KIAA0825: variants seen among roughly 807,000 people sequenced by gnomAD.
The protein encoded by KIAA0825 is uncharacterized protein KIAA0825.
A neutral mutation model predicts 147.6 loss-of-function variants in KIAA0825; 119 were observed. That is an observed-to-expected ratio of 0.81 (90% CI 0.69 to 0.94). The LOEUF (loss-of-function observed/expected upper bound fraction) is 0.94. Among genes scored for constraint, KIAA0825 ranks in the 40% least tolerant of loss-of-function variants. The pLI is 0.00. For synonymous variants in KIAA0825, 470 were observed against 518.1 expected (o/e 0.91, Z 1.26); for missense variants, 1,381 against 1,472.7 (o/e 0.94, Z 1.02).
At chr5:94,461,726 CAT>C (rs1439503497) in intron 12 of KIAA0825, among the ~76,000 whole-genome samples, 3 of 151,886 alleles carry the variant, frequency 2.0e-5, no homozygotes, top group South Asian at 4.1e-4. Context: ...TAGAAATAGA[CAT>C]ATGTGAAATT....
intron 1 of KIAA0825, among the ~76,000 whole-genome samples, chr5:94,599,331 G>GGT (rs1785895368): frequency 1.0e-5 from 1 of 98,512 alleles, no homozygotes; most frequent in South Asian, 3.4e-4. Context: ...GATTATTTGG[G>GGT]TTTTTTTTTT....
chr5:94,343,492 C>G (rs1297867237), intron 20 of KIAA0825, among the ~76,000 whole-genome samples: 5 of 152,068 alleles, frequency 3.3e-5, no homozygotes, highest in Non-Finnish European at 7.4e-5. Flanking sequence ...AGGTAGAGAC[C>G]ATCTGGCTAA....
chr5:94,154,973 A>G (rs1332295028), intron 20 of KIAA0825, among the ~76,000 whole-genome samples: 2 of 152,104 alleles, frequency 1.3e-5, no homozygotes, highest in African/African-American at 4.8e-5. Flanking sequence ...GTACTGTTAC[A>G]AAAGGATTTT....
At chr5:94,467,997 G>A (rs1760757100) in intron 10 of KIAA0825, among the ~76,000 whole-genome samples, 1 of 152,130 alleles carries the variant, frequency 6.6e-6, no homozygotes, top group African/African-American at 2.4e-5. Flanking sequence ...TTATTTTTCT[G>A]AGAATAAATA....
At chr5:94,336,908 A>C (rs903235065) in intron 20 of KIAA0825, among the ~76,000 whole-genome samples, 1 of 152,174 alleles carries the variant, frequency 6.6e-6, no homozygotes, top group Non-Finnish European at 1.5e-5. Flanking sequence ...TCAAGCAAAA[A>C]TGGAACATTC....
chr5:94,525,923 T>A (rs2151252446), intron 3 of KIAA0825, among the ~76,000 whole-genome samples: 3 of 152,152 alleles, frequency 2.0e-5, no homozygotes, highest in Middle Eastern at 6.8e-3. Context: ...CCCTCATTGA[T>A]ACAAACTAAG....
Position 94,521,771 on chromosome 5 carries a change from C to G in KIAA0825, c.301-854G>C, listed in dbSNP as rs1768257227. ...ACATTCTGCTTCCATGCTGACTTTC[C>G]TAATTATGTCTATTTTAGCTAATAC... On this transcript the variant is annotated intron_variant, in intron 4 of 20. Transcript: ENST00000682413. 2.6e-5 allele frequency among the ~76,000 whole-genome samples: 4 copies of G among 151,666 alleles called. No individual in the cohort carries two copies. The South Asian group carries it at 8.3e-4, about 31-fold the overall frequency.
Position 94,412,206 on chromosome 5 carries a change from A to G in KIAA0825, c.2662+4995T>C, listed in dbSNP as rs188185025. Among the ~76,000 whole-genome samples the G allele has an allele frequency of 8.9e-4, 135 of 152,300 alleles. 2 individuals are homozygous for G. Among genetic ancestry groups the G allele is most frequent in the Admixed American group, 8.0e-3 (122 of 15,300 alleles). ...TCAAATGGTCACTAAGAACATGAAGAGGTGTTCAATGTCATTATTCATGAA... is the reference window on the plus strand; with the variant it reads ...TCAAATGGTCACTAAGAACATGAAGGGGTGTTCAATGTCATTATTCATGAA... On this transcript the variant is annotated intron_variant, in intron 15 of 20. Transcript: ENST00000682413.
intron 20 of KIAA0825, among the ~76,000 whole-genome samples, chr5:94,240,544 G>A (rs967153178): frequency 6.6e-6 from 1 of 152,164 alleles, no homozygotes; most frequent in Non-Finnish European, 1.5e-5. Context: ...ATACTGAAAA[G>A]TGCTGAATTA....
intron 20 of KIAA0825, among the ~76,000 whole-genome samples, chr5:94,330,555 C>A (rs1018647564): frequency 2.6e-5 from 4 of 151,692 alleles, no homozygotes; most frequent in Admixed American, 2.6e-4. Context: ...TTGTGAGATG[C>A]CATTAAAGCA....
intron 20 of KIAA0825, among the ~76,000 whole-genome samples, chr5:94,215,165 G>GA (rs1425746717): frequency 1.3e-5 from 2 of 152,262 alleles, no homozygotes; most frequent in African/African-American, 4.8e-5. Context: ...CAAGGAAAAG[G>GA]AAAAGAAGGC....
chr5:94,419,806 G>C (rs2150727242), intron 14 of KIAA0825, among the ~76,000 whole-genome samples: 1 of 152,294 alleles, frequency 6.6e-6, no homozygotes, highest in East Asian at 1.9e-4. Context: ...CCATGCATCT[G>C]AGTTTGCCTG....
intron 5 of KIAA0825, among the ~76,000 whole-genome samples, chr5:94,499,116 C>T (rs1271460217): frequency 6.6e-6 from 1 of 152,100 alleles, no homozygotes; most frequent in Admixed American, 6.5e-5. Flanking sequence ...AAAGCAGTTT[C>T]CTCAAAAGAA....
chr5:94,390,793 A>T (rs1217944777), intron 18 of KIAA0825, among the ~76,000 whole-genome samples: 1 of 152,214 alleles, frequency 6.6e-6, no homozygotes, highest in African/African-American at 2.4e-5. Context: ...AAACTAAAAC[A>T]CTATATATTC....
At chr5:94,236,152 T>C (rs1043835783) in intron 20 of KIAA0825, among the ~76,000 whole-genome samples, 11 of 152,260 alleles carry the variant, frequency 7.2e-5, no homozygotes, top group African/African-American at 2.7e-4. Flanking sequence ...ATTCCTCTGA[T>C]GGACCTGGGA....
chr5:94,374,170 A>G (rs1379648038), intron 20 of KIAA0825, among the ~76,000 whole-genome samples: 1 of 152,214 alleles, frequency 6.6e-6, no homozygotes, highest in Admixed American at 6.5e-5. Flanking sequence ...CAGTATGTGA[A>G]TGCATAATTA....
intron 2 of KIAA0825, among the ~76,000 whole-genome samples, chr5:94,557,478 G>GA (rs374671761): frequency 1.1e-4 from 16 of 151,598 alleles, no homozygotes; most frequent in African/African-American, 3.9e-4. Flanking sequence ...TGTGTGATGG[G>GA]ATCTAACCCT....
At chr5:94,209,950 C>A (rs1325474855) in intron 20 of KIAA0825, among the ~76,000 whole-genome samples, 2 of 152,198 alleles carry the variant, frequency 1.3e-5, no homozygotes, top group Admixed American at 1.3e-4. Flanking sequence ...CTTTGCCCAT[C>A]ACAGTCTTCC....
chr5:94,386,337 A>G lies in KIAA0825; in HGVS notation c.3524T>C (p.Leu1175Ser). The G allele has an allele frequency of 1.2e-5, 18 of 1,551,710 alleles. No individual in the cohort carries two copies. The highest frequency in any genetic ancestry group is 1.6e-5 in the Non-Finnish European group (18 of 1,146,858). ...TTCTATACTCCTCAAGGTCGTCTTT[A>G]AAGGTCGGATGGGTAATGGCTTTTC... ...SEEKPLPIRP[L>S]KTTLRSIEDQ... The change falls in exon 19 of 21, where the codon TTA (leucine) becomes TCA (serine). Residue 1175 changes from leucine (L) to serine (S), a missense_variant. Transcript: ENST00000682413.
Sources: allele counts gnomAD v4.1 joint callset (sites outside exome capture counted in the v4.1 genomes callset), GRCh38; gene constraint gnomAD v4.1.1; transcripts MANE v1.5; gene names NCBI Gene and HGNC (gene_info 2026-07-23, HGNC 2026-07-21).